The following TMPRSS11A variants were observed in gnomAD, a reference collection of about 807,000 sequenced individuals.
The protein encoded by TMPRSS11A is transmembrane protease serine 11A.
TMPRSS11A carries 53 observed loss-of-function variants against 58.9 expected under a neutral mutation model. The ratio of observed to expected loss-of-function variants is 0.90; its 90% CI spans 0.72 to 1.13. The LOEUF is 1.13. Ranked by LOEUF, TMPRSS11A falls within the 50% of genes most tolerant of loss-of-function variation. The pLI, the probability that TMPRSS11A is intolerant of heterozygous loss-of-function variation, is 0.00. For synonymous variants in TMPRSS11A, 167 were observed against 169.8 expected (o/e 0.98, Z 0.13); for missense variants, 493 against 499.3 (o/e 0.99, Z 0.12).
At chr4:67,956,336 A>C (rs1721287663) in intron 1 of TMPRSS11A, among the ~76,000 whole-genome samples, 1 of 152,234 alleles carries the variant, frequency 6.6e-6, no homozygotes, top group African/African-American at 2.4e-5. Flanking sequence ...CTTCAAAGCC[A>C]TCTGTTCTGT....
At chr4:67,926,217 C>T (rs1397017725) in intron 5 of TMPRSS11A, among the ~76,000 whole-genome samples, 1 of 132,532 alleles carries the variant, frequency 7.5e-6, no homozygotes, top group Non-Finnish European at 1.7e-5. Context: ...CTGAAGGACC[C>T]ACACCACACA....
At chr4:67,924,041 G>T in intron 6 of TMPRSS11A, 87 bp downstream of exon 6, 1 of 1,075,416 alleles carries the variant, frequency 9.3e-7, no homozygotes, top group Non-Finnish European at 1.4e-6. Context: ...AAATCTGGAG[G>T]ACAGATGGGC....
rs539866258 is a variant in TMPRSS11A, at chr4:67,946,443, T to G, written c.133+7A>C. The G allele has an allele frequency of 6.3e-7, 1 of 1,585,958 alleles. No individual in the cohort carries two copies. Among genetic ancestry groups the G allele is most frequent in the South Asian group, 1.2e-5 (1 of 85,354 alleles). On this transcript the variant is annotated splice_region_variant and intron_variant, in intron 2 of 9. Transcript: ENST00000508048. ...TCAAATAGAGTGAAATCTTTAATTT[T>G]ACCTACCAAATACTAGGAAGTGAAC...
At chr4:67,943,310 TACA>T (rs1208015592) in intron 3 of TMPRSS11A, among the ~76,000 whole-genome samples, 3 of 152,202 alleles carry the variant, frequency 2.0e-5, no homozygotes. Context: ...TTAGTTAACT[TACA>T]ACAACAACAG....
At chr4:67,962,261 G>T (rs550248299) in intron 1 of TMPRSS11A, among the ~76,000 whole-genome samples, 1 of 152,192 alleles carries the variant, frequency 6.6e-6, no homozygotes, top group East Asian at 1.9e-4. Context: ...CAATTACTAT[G>T]TGATTACTGA....
chr4:67,931,377 A>G (rs901091592), intron 4 of TMPRSS11A, among the ~76,000 whole-genome samples: 5 of 152,204 alleles, frequency 3.3e-5, no homozygotes, highest in African/African-American at 9.7e-5. Flanking sequence ...TGAGTCATAC[A>G]GGCTCATGGA....
intron 5 of TMPRSS11A, among the ~76,000 whole-genome samples, chr4:67,929,416 A>C (rs1016794107): frequency 3.3e-5 from 5 of 152,236 alleles, no homozygotes; most frequent in Admixed American, 1.3e-4. Flanking sequence ...AACAACTTCA[A>C]AGTTGGCTTG....
At chr4:67,961,456 T>C (rs2109775790) in intron 1 of TMPRSS11A, among the ~76,000 whole-genome samples, 1 of 151,698 alleles carries the variant, frequency 6.6e-6, no homozygotes, top group South Asian at 2.1e-4. Context: ...TCCTTTCTTT[T>C]CTTTTCTTTC....
At chr4:67,915,759 G>C (rs1720127995) in intron 8 of TMPRSS11A, among the ~76,000 whole-genome samples, 1 of 152,162 alleles carries the variant, frequency 6.6e-6, no homozygotes, top group Admixed American at 6.5e-5. Context: ...CTTCAAAGGA[G>C]CCACAGATGT....
intron 1 of TMPRSS11A, among the ~76,000 whole-genome samples, chr4:67,950,851 A>G (rs1293704954): frequency 2.0e-5 from 3 of 152,242 alleles, no homozygotes; most frequent in Non-Finnish European, 4.4e-5. Context: ...AAAAATTAAA[A>G]TAGGAAGAAA....
intron 3 of TMPRSS11A, among the ~76,000 whole-genome samples, chr4:67,934,111 A>AC (rs1720694817): frequency 1.3e-5 from 2 of 152,286 alleles, no homozygotes; most frequent in Admixed American, 1.3e-4. Flanking sequence ...AATAAAAAGG[A>AC]TCCTTCTTTA....
At chr4:67,936,082 C>T (rs1196804364) in intron 3 of TMPRSS11A, among the ~76,000 whole-genome samples, 1 of 152,048 alleles carries the variant, frequency 6.6e-6, no homozygotes, top group African/African-American at 2.4e-5. Context: ...TCACTGAAAC[C>T]AGGGCCATGT....
At position 67,926,626 on chromosome 4, in the gene TMPRSS11A, C is replaced by G. The variant is rs573121462; in HGVS notation, c.482-2460G>C. 1.5e-4 allele frequency among the ~76,000 whole-genome samples: 23 copies of G among 152,278 alleles called. 1 individual carries two copies. In the East Asian group the frequency reaches 4.4e-3, roughly 29 times the overall value. ...GAGCCTCTCCTGCTCCGGAACCTGG[C>G]CCCACATTGCCATTCTTGACCATGG... On this transcript the variant is annotated intron_variant, in intron 5 of 9. Coordinates refer to ENST00000508048, the MANE Select transcript of TMPRSS11A (RefSeq NM_001114387.2).
chr4:67,962,385 C>A (rs1721454843), intron 1 of TMPRSS11A, among the ~76,000 whole-genome samples: 1 of 152,030 alleles, frequency 6.6e-6, no homozygotes, highest in South Asian at 2.1e-4. Flanking sequence ...TGGATGGAAT[C>A]CTTGCCACCC....
At chr4:67,959,832 G>T (rs1312361780) in intron 1 of TMPRSS11A, among the ~76,000 whole-genome samples, 2 of 152,130 alleles carry the variant, frequency 1.3e-5, no homozygotes, top group African/African-American at 4.8e-5. Flanking sequence ...TATATCCAAA[G>T]AAAAATAAAT....
intron 1 of TMPRSS11A, among the ~76,000 whole-genome samples, 168 bp from the exon 2 acceptor site, chr4:67,946,739 T>A (rs1031639167): frequency 5.4e-5 from 7 of 129,084 alleles, no homozygotes; most frequent in Non-Finnish European, 9.0e-5. Context: ...AAAAAAAAAA[T>A]CAGGATCTGG....
At chr4:67,939,293 T>A (rs1440707132) in intron 3 of TMPRSS11A, among the ~76,000 whole-genome samples, 1 of 152,204 alleles carries the variant, frequency 6.6e-6, no homozygotes, top group Non-Finnish European at 1.5e-5. Flanking sequence ...TGAAGTTGTT[T>A]ATCAGTTTTG....
chr4:67,924,902 G>T (rs1720425150), intron 5 of TMPRSS11A, among the ~76,000 whole-genome samples: 1 of 151,842 alleles, frequency 6.6e-6, no homozygotes, highest in Admixed American at 6.6e-5. Context: ...TGTCTTACAG[G>T]TCTCAAACTC....
intron 5 of TMPRSS11A, among the ~76,000 whole-genome samples, chr4:67,926,363 A>G (rs1336210786): frequency 1.3e-5 from 2 of 152,254 alleles, no homozygotes; most frequent in African/African-American, 2.4e-5. Flanking sequence ...TTGTTTGCCC[A>G]GGAAACAATG....
Sources: gnomAD v4.1 joint callset for allele counts (sites outside exome capture counted in the v4.1 genomes callset) on GRCh38, gnomAD v4.1.1 for gene constraint, MANE v1.5 for transcripts, NCBI Gene and HGNC (gene_info 2026-07-23, HGNC 2026-07-21) for gene names.